Variants in RTL9 observed in about 807,000 individuals in gnomAD.
RTL9 encodes the protein retrotransposon Gag like 9, also known as retrotransposon Gag-like protein 9.
In RTL9, 19 loss-of-function variants were observed where a neutral mutation model predicts 44.7. That is an observed-to-expected ratio of 0.42 (90% CI 0.30 to 0.62). The LOEUF is 0.62. Ranked by LOEUF, RTL9 falls within the 20% of genes least tolerant of loss-of-function variation. The pLI is 0.16. For missense variants in RTL9, 1,105 were observed against 1,080.6 expected (o/e 1.02, Z -0.32); for synonymous variants, 407 against 398.9 (o/e 1.02, Z -0.24).
At chrX:110,435,662 T>C (rs2068833690) in intron 1 of RTL9, among the ~76,000 whole-genome samples, 2 of 111,975 alleles carry the variant, frequency 1.8e-5, no homozygotes, top group African/African-American at 6.5e-5. Context: ...TTATCTAGAA[T>C]GGCCTTGGTC....
chrX:110,450,541 C>A, upstream of RTL9: 1 of 895,371 alleles, frequency 1.1e-6, no homozygotes, highest in Non-Finnish European at 1.6e-6. Flanking sequence ...TGGCTTTTGA[C>A]CTCTAAACTT....
intron 1 of RTL9, among the ~76,000 whole-genome samples, chrX:110,423,301 C>G (rs55751827): frequency 9.4e-6 from 1 of 105,905 alleles, no homozygotes; most frequent in Non-Finnish European, 1.9e-5. Flanking sequence ...GCACTCCAAC[C>G]TGGGCAACAA....
intron 1 of RTL9, among the ~76,000 whole-genome samples, chrX:110,411,978 G>C (rs1264818317): frequency 8.9e-6 from 1 of 112,524 alleles, no homozygotes; most frequent in Non-Finnish European, 1.9e-5. Context: ...AGAAGATAAT[G>C]AACAATTCAC....
At chrX:110,452,610 G>A in exon 1 of RTL9, 1 of 1,210,655 alleles carries the variant, frequency 8.3e-7, no homozygotes, top group Non-Finnish European at 1.1e-6. Flanking sequence ...AGCCTCTGGA[G>A]GGTTGTCTGC....
intron 1 of RTL9, among the ~76,000 whole-genome samples, chrX:110,443,925 C>T (rs1259211748): frequency 8.9e-6 from 1 of 112,303 alleles, no homozygotes; most frequent in African/African-American, 3.2e-5. Flanking sequence ...CCTGTCCATG[C>T]CTTTATTTAC....
intron 1 of RTL9, among the ~76,000 whole-genome samples, chrX:110,413,371 G>C (rs940851426): frequency 9.0e-6 from 1 of 111,286 alleles, no homozygotes; most frequent in Non-Finnish European, 1.9e-5. Context: ...CCTAGGGCTG[G>C]GAGGTGGGGT....
chrX:110,434,613 G>C (rs2068822734), intron 1 of RTL9, among the ~76,000 whole-genome samples: 1 of 111,783 alleles, frequency 8.9e-6, no homozygotes, highest in Non-Finnish European at 1.9e-5. Flanking sequence ...TGTCAACTGA[G>C]GCAGGGAACA....
chrX:110,376,367 A>T (rs1292804254), intron 1 of RTL9, among the ~76,000 whole-genome samples: 1 of 111,244 alleles, frequency 9.0e-6, no homozygotes, highest in East Asian at 2.8e-4. Flanking sequence ...GCCTGCCTCC[A>T]GACAGGGATG....
intron 1 of RTL9, among the ~76,000 whole-genome samples, chrX:110,359,815 C>A (rs1417746429): frequency 9.0e-6 from 1 of 111,528 alleles, no homozygotes; most frequent in Non-Finnish European, 1.9e-5. Context: ...GGTCTGGTCA[C>A]ATCATACAAG....
chrX:110,360,108 G>T (rs1263108908), intron 1 of RTL9, among the ~76,000 whole-genome samples: 1 of 111,587 alleles, frequency 9.0e-6, no homozygotes, highest in Non-Finnish European at 1.9e-5. Context: ...TCTGGGCTCA[G>T]TTGAGGACAG....
intron 1 of RTL9, among the ~76,000 whole-genome samples, chrX:110,439,275 C>T (rs1368217889): frequency 8.9e-6 from 1 of 111,732 alleles, no homozygotes; most frequent in Non-Finnish European, 1.9e-5. Context: ...CCTGGGGAGC[C>T]CTTAGTTATT....
intron 1 of RTL9, among the ~76,000 whole-genome samples, chrX:110,389,334 T>C (rs1383529181): frequency 8.9e-6 from 1 of 112,651 alleles, no homozygotes; most frequent in Non-Finnish European, 1.9e-5. Flanking sequence ...GGTTTACACC[T>C]GAAATGCCAC....
Position 110,453,679 on chromosome X carries a change from C to A in RTL9, c.3062C>A (p.Ala1021Asp), listed in dbSNP as rs766858513. 35 of 1,210,462 alleles carry A rather than the reference C, an allele frequency of 2.9e-5. No individual in the cohort carries two copies. In the South Asian group the frequency reaches 5.5e-4, roughly 19 times the overall value. ...AGGATGGCCACAGCGCCAATTAGAG[C>A]CTCTGCTTCTGGAGCAAGGTCCACA... The change falls in exon 1 of 2, where the codon GCC becomes GAC. Residue 1021 changes from alanine to aspartate, a missense_variant. Ala to Asp is a moderately radical substitution (Grantham distance 126, BLOSUM62 -2). Coordinates refer to ENST00000540313, the Ensembl canonical transcript of RTL9.
intron 1 of RTL9, among the ~76,000 whole-genome samples, chrX:110,412,942 C>A (rs2068651016): frequency 1.8e-5 from 2 of 111,369 alleles, no homozygotes; most frequent in African/African-American, 6.6e-5. Flanking sequence ...CTAGCATGTG[C>A]TACTTTTATA....
intron 1 of RTL9, among the ~76,000 whole-genome samples, chrX:110,392,032 G>A (rs2068497599): frequency 8.9e-6 from 1 of 112,181 alleles, no homozygotes; most frequent in African/African-American, 3.2e-5. Context: ...AAGTTCCCAT[G>A]AGAGTATATT....
chrX:110,432,883 T>A (rs1394731305), intron 1 of RTL9, among the ~76,000 whole-genome samples: 1 of 112,869 alleles, frequency 8.9e-6, no homozygotes, highest in Non-Finnish European at 1.9e-5. Flanking sequence ...ATGTCATGCA[T>A]CCTCAGACGC....
intron 1 of RTL9, among the ~76,000 whole-genome samples, chrX:110,361,041 C>T (rs1256528331): frequency 9.0e-6 from 1 of 110,745 alleles, no homozygotes; most frequent in African/African-American, 3.3e-5. Context: ...CAATTGCCTG[C>T]TGGACATATC....
intron 1 of RTL9, among the ~76,000 whole-genome samples, chrX:110,403,650 C>G (rs1209126564): frequency 8.9e-6 from 1 of 112,037 alleles, no homozygotes; most frequent in Non-Finnish European, 1.9e-5. Context: ...TCATAGCTAT[C>G]ATTCCAAAAC....
intron 1 of RTL9, among the ~76,000 whole-genome samples, chrX:110,386,254 G>C (rs1261903280): frequency 9.1e-6 from 1 of 109,885 alleles, no homozygotes; most frequent in Admixed American, 9.6e-5. Flanking sequence ...TCCAGTAGTG[G>C]GAATGATGGT....
Sources: gnomAD v4.1 joint callset for allele counts (sites outside exome capture counted in the v4.1 genomes callset) on GRCh38, gnomAD v4.1.1 for gene constraint, MANE v1.5 for transcripts, NCBI Gene and HGNC (gene_info 2026-07-23, HGNC 2026-07-21) for gene names.